The following STARD9 variants were observed in gnomAD, a reference collection of about 807,000 sequenced individuals.
The protein encoded by STARD9 is StAR related lipid transfer domain containing 9.
STARD9 carries 346 observed loss-of-function variants against 399.8 expected under a neutral mutation model. The observed-to-expected ratio is 0.87, with a 90% confidence interval of 0.79 to 0.95. The LOEUF (loss-of-function observed/expected upper bound fraction) is 0.95. STARD9 is among the 40% of genes least tolerant of loss of function. STARD9 has a pLI of 0.00. For synonymous variants in STARD9, 2,203 were observed against 2,143.5 expected, an observed-to-expected ratio of 1.03 and a Z score of -0.77; for missense variants, 5,832 against 5,667.5, an observed-to-expected ratio of 1.03 and a Z score of -0.93.
chr15:42,662,802 C>T lies in STARD9; in HGVS notation c.779C>T (p.Ala260Val), dbSNP rs994381666. Residue 260 changes from alanine to valine, a missense_variant, in exon 11 of 33, where the codon GCA (alanine) becomes GTA (valine). Transcript: ENST00000290607. The part of the protein sequence containing the change: ...NLVDLAGSER[A>V]DPSYCKDRIA... ...CATTGACTGTGTTTTAGCGAAAGAGCAGATCCCAGTTACTGTAAGGACCGC... is the reference window on the plus strand; with the variant it reads ...CATTGACTGTGTTTTAGCGAAAGAGTAGATCCCAGTTACTGTAAGGACCGC... 3.3e-6 allele frequency: 5 copies of T among 1,536,556 alleles called. No homozygotes were observed. Among genetic ancestry groups the T allele is most frequent in the South Asian group, 1.2e-5 (1 of 83,992 alleles).
In STARD9 at chr15:42,693,241, C is replaced by T. The variant is rs766164909; in HGVS notation, c.11663C>T (p.Pro3888Leu). The T allele has an allele frequency of 3.3e-5, 50 of 1,536,888 alleles. No homozygotes were observed. Among genetic ancestry groups the T allele is most frequent in the Non-Finnish European group, 3.6e-5 (41 of 1,146,864 alleles). ...GDSRVQKKLG[P>L]TSALFVDRAS... ...TCCAGGGTCCAGAAGAAGCTGGGCCCCACAAGTGCTTTGTTCGTGGACAGG... is the reference window on the plus strand; with the variant it reads ...TCCAGGGTCCAGAAGAAGCTGGGCCTCACAAGTGCTTTGTTCGTGGACAGG... Residue 3888 changes from proline to leucine, a missense_variant, in exon 23 of 33, where the codon CCC becomes CTC. Pro to Leu is a moderately conservative substitution (Grantham distance 98). This residue lies in a region of STARD9 where 5,828 missense variants were observed against 5,651.1 expected (regional missense o/e 1.03). Coordinates refer to ENST00000290607, the MANE Select transcript of STARD9 (RefSeq NM_020759.3).
intron 4 of STARD9, among the ~76,000 whole-genome samples, chr15:42,636,614 A>C (rs2059422160): frequency 6.6e-6 from 1 of 152,068 alleles, no homozygotes; most frequent in African/African-American, 2.4e-5. Context: ...CTGTCTCTAA[A>C]AGTATATATG....
chr15:42,612,109 C>G (rs372028535), intron 3 of STARD9, among the ~76,000 whole-genome samples: 1 of 152,084 alleles, frequency 6.6e-6, no homozygotes, highest in Non-Finnish European at 1.5e-5. Context: ...CCTGAAGTAG[C>G]TAGAACTACA....
rs761933742 is a variant in STARD9, at chr15:42,690,735, C to G, written c.9157C>G (p.Arg3053Gly). The change falls in exon 23 of 33, where the codon CGA (arginine) becomes GGA (glycine). Residue 3053 changes from arginine to glycine, a missense_variant. Coordinates refer to ENST00000290607, the MANE Select transcript of STARD9 (RefSeq NM_020759.3). ...EPSTVAAVLS[R>G]AQGCRSPSAP... ...TTCTACTGTGGCTGCTGTCCTATCT[C>G]GAGCTCAAGGCTGCAGATCCCCTTC... 1.3e-6 allele frequency: 2 copies of G among 1,537,212 alleles called. No homozygotes were observed. Among genetic ancestry groups the G allele is most frequent in the Middle Eastern group, 1.7e-4 (1 of 5,990 alleles).
intron 9 of STARD9, among the ~76,000 whole-genome samples, chr15:42,653,925 C>T (rs1038275680): frequency 1.3e-5 from 2 of 152,018 alleles, no homozygotes; most frequent in African/African-American, 4.8e-5. Flanking sequence ...ATGAAAATAA[C>T]AGCACAAGGG....
chr15:42,651,972 CTG>C (rs777242940), intron 8 of STARD9, among the ~76,000 whole-genome samples: 84 of 152,300 alleles, frequency 5.5e-4, no homozygotes, highest in Non-Finnish European at 7.6e-4. Context: ...CTAAGGGAGA[CTG>C]TGAATTCCGC....
At chr15:42,632,817 A>C (rs1293439904) in intron 3 of STARD9, among the ~76,000 whole-genome samples, 2 of 150,616 alleles carry the variant, frequency 1.3e-5, no homozygotes, top group Non-Finnish European at 3.0e-5. Context: ...ACTTCAGCCT[A>C]GCTGACAGGA....
At chr15:42,648,051 G>A (rs1479574747) in intron 7 of STARD9, among the ~76,000 whole-genome samples, 6 of 151,948 alleles carry the variant, frequency 3.9e-5, no homozygotes, top group South Asian at 4.2e-4. Context: ...CCATTTTTAG[G>A]GCTCTTAATT....
intron 26 of STARD9, among the ~76,000 whole-genome samples, chr15:42,711,118 C>G (rs936872268): frequency 6.6e-6 from 1 of 151,820 alleles, no homozygotes; most frequent in African/African-American, 2.4e-5. Flanking sequence ...GCTGAAATTA[C>G]CATCGTAAGC....
chr15:42,695,118 T>G (rs1179701571), intron 24 of STARD9, 22 bp from the exon 25 acceptor site: 1 of 1,508,682 alleles, frequency 6.6e-7, no homozygotes, highest in African/African-American at 1.4e-5. Context: ...CCATGTTCTT[T>G]CCACCCCGTG....
chr15:42,659,741 G>A (rs1566910999), intron 9 of STARD9, among the ~76,000 whole-genome samples: 1 of 152,088 alleles, frequency 6.6e-6, no homozygotes, highest in East Asian at 1.9e-4. Flanking sequence ...GGCCAGGAAG[G>A]TCTCAATTTC....
intron 24 of STARD9, 44 bp from the exon 25 acceptor site, chr15:42,695,096 G>C: frequency 6.8e-7 from 1 of 1,464,948 alleles, no homozygotes; most frequent in Non-Finnish European, 9.1e-7. Flanking sequence ...GACCAGGACT[G>C]TCACCCACCC....
chr15:42,720,919 C>A lies in STARD9; in HGVS notation c.*1345C>A, dbSNP rs189255159. ...TTAACACCCTATTTATATACTCCTACCTCTTTTCATATAAATCTCTTACTA... is the reference window on the plus strand; with the variant it reads ...TTAACACCCTATTTATATACTCCTAACTCTTTTCATATAAATCTCTTACTA... On this transcript the variant is annotated 3_prime_UTR_variant, in exon 33 of 33. Coordinates refer to ENST00000290607, the MANE Select transcript of STARD9 (RefSeq NM_020759.3). 117 of 152,182 alleles carry A rather than the reference C, an allele frequency of 7.7e-4. 3 individuals carry two copies. The East Asian group carries it at 0.018, about 23-fold the overall frequency. The allele number at this position is 152,182 out of a possible 1,614,324, so 9.4% of individuals were successfully genotyped here. A position where few individuals can be genotyped will look rare whatever the true frequency, so the allele number is the denominator to read the frequency against.
intron 3 of STARD9, among the ~76,000 whole-genome samples, chr15:42,608,064 G>A (rs2058773369): frequency 6.6e-6 from 1 of 152,126 alleles, no homozygotes; most frequent in Non-Finnish European, 1.5e-5. Context: ...GTAAGTTGCT[G>A]AGACAACCTT....
At chr15:42,640,245 G>A (rs2059506796) in intron 7 of STARD9, among the ~76,000 whole-genome samples, 1 of 152,142 alleles carries the variant, frequency 6.6e-6, no homozygotes, top group South Asian at 2.1e-4. Context: ...ATCCTGATAA[G>A]GAGCGGGACA....
chr15:42,694,449 G>T lies in STARD9; in HGVS notation c.12765-79G>T, dbSNP rs184641241. ...TTTCCTCTGCCCTGGTTCATCTCTG[G>T]GATCTTCCAGGGGTCAGAGATAGAT... On this transcript the variant is annotated intron_variant, in intron 23 of 32. Coordinates refer to ENST00000290607, the MANE Select transcript of STARD9 (RefSeq NM_020759.3). The T allele has an allele frequency of 6.4e-5, 98 of 1,520,128 alleles. No individual in the cohort carries two copies. In the East Asian group the frequency reaches 1.9e-3, roughly 30 times the overall value. 94.2% of individuals were successfully genotyped at this position (1,520,128 alleles called of 1,614,324 possible).
intron 16 of STARD9, chr15:42,670,469 A>G (rs1046123153): frequency 6.6e-6 from 1 of 152,198 alleles, no homozygotes; most frequent in Non-Finnish European, 1.5e-5. Flanking sequence ...TGTTCTCATC[A>G]ATGTGTTCTA....
chr15:42,655,070 T>C (rs1407803493), intron 9 of STARD9, among the ~76,000 whole-genome samples: 1 of 152,098 alleles, frequency 6.6e-6, no homozygotes, highest in Non-Finnish European at 1.5e-5. Context: ...TCACTTGAGG[T>C]CAGGAGTTTG....
chr15:42,697,346 C>T (rs1159549339), intron 26 of STARD9, among the ~76,000 whole-genome samples: 1 of 152,112 alleles, frequency 6.6e-6, no homozygotes, highest in Admixed American at 6.5e-5. Context: ...AGCTATCTTC[C>T]CACCTCAGCC....
Sources: allele counts gnomAD v4.1 joint callset (sites outside exome capture counted in the v4.1 genomes callset), GRCh38; gene constraint gnomAD v4.1.1; regional missense constraint gnomAD v4.1.1; transcripts MANE v1.5; gene names NCBI Gene and HGNC (gene_info 2026-07-23, HGNC 2026-07-21).